The following SDC2 variants were observed in gnomAD, a reference collection of about 807,000 sequenced individuals.
SDC2 encodes syndecan 2, also known as syndecan-2.
A neutral mutation model predicts 22.2 loss-of-function variants in SDC2; 13 were observed. The ratio of observed to expected loss-of-function variants is 0.59; its 90% confidence interval spans 0.38 to 0.93. SDC2 has a LOEUF of 0.93. SDC2 is among the 40% of genes least tolerant of loss of function. The pLI is 0.00. For missense variants in SDC2, 235 were observed against 246.8 expected (o/e 0.95, Z 0.32); for synonymous variants, 94 against 92.8 (o/e 1.01, Z -0.07).
At chr8:96,504,224 T>G (rs573952479) in intron 1 of SDC2, among the ~76,000 whole-genome samples, 31 of 152,370 alleles carry the variant, frequency 2.0e-4, no homozygotes, top group African/African-American at 7.2e-4. Context: ...TCACTTGACA[T>G]GTTTAGGAAC....
intron 1 of SDC2, among the ~76,000 whole-genome samples, chr8:96,515,218 CT>C (rs1813384364): frequency 6.6e-6 from 1 of 152,162 alleles, no homozygotes; most frequent in African/African-American, 2.4e-5. Flanking sequence ...CTTTTTCCCC[CT>C]ACTTTCTACT....
intron 3 of SDC2, among the ~76,000 whole-genome samples, chr8:96,607,224 G>T (rs1404420482): frequency 2.0e-5 from 3 of 151,086 alleles, no homozygotes; most frequent in African/African-American, 7.3e-5. Context: ...GACCTCACAG[G>T]GTTTTCTACT....
chr8:96,538,747 C>A (rs1421586149), intron 1 of SDC2: 2 of 152,256 alleles, frequency 1.3e-5, no homozygotes, highest in Non-Finnish European at 2.9e-5. Flanking sequence ...TCAATCAAAT[C>A]TTCAGAATGT....
chr8:96,522,699 A>C (rs1813515163), intron 1 of SDC2, among the ~76,000 whole-genome samples: 1 of 152,224 alleles, frequency 6.6e-6, no homozygotes, highest in African/African-American at 2.4e-5. Context: ...TACTAAGGTA[A>C]GGGAAATAGC....
intron 1 of SDC2, among the ~76,000 whole-genome samples, chr8:96,591,950 G>C (rs2028086): frequency 0.19 from 28,635 of 152,086 alleles, 3,246 homozygotes; most frequent in South Asian, 0.36. Context: ...TCCTGACACA[G>C]TTCACAAGCT....
intron 1 of SDC2, among the ~76,000 whole-genome samples, chr8:96,510,543 T>A (rs1249947197): frequency 6.6e-6 from 1 of 152,200 alleles, no homozygotes; most frequent in African/African-American, 2.4e-5. Context: ...TATCTTTAAT[T>A]GACTCAGGGA....
At chr8:96,520,523 A>G (rs1414842155) in intron 1 of SDC2, among the ~76,000 whole-genome samples, 1 of 152,138 alleles carries the variant, frequency 6.6e-6, no homozygotes, top group Non-Finnish European at 1.5e-5. Context: ...AGCTGTTTAT[A>G]TGTGATGTTC....
intron 1 of SDC2, among the ~76,000 whole-genome samples, chr8:96,560,001 C>A (rs1814182019): frequency 6.6e-6 from 1 of 151,998 alleles, no homozygotes; most frequent in African/African-American, 2.4e-5. Flanking sequence ...ATTTACATAC[C>A]ATTCATCCAT....
At chr8:96,577,664 C>T (rs1814526763) in intron 1 of SDC2, among the ~76,000 whole-genome samples, 1 of 152,126 alleles carries the variant, frequency 6.6e-6, no homozygotes, top group Admixed American at 6.5e-5. Flanking sequence ...TGCATAATGT[C>T]GTGTATCTAC....
intron 2 of SDC2, among the ~76,000 whole-genome samples, chr8:96,596,877 TG>T (rs893981967): frequency 2.6e-5 from 4 of 152,094 alleles, no homozygotes; most frequent in African/African-American, 9.7e-5. Flanking sequence ...TAGTTCGCAG[TG>T]GGGAGAGCCA....
rs1251438286 is a variant in SDC2, at chr8:96,611,417, T to G, written c.*1869T>G. On this transcript the variant is annotated 3_prime_UTR_variant, in exon 5 of 5. Transcript: ENST00000302190. Reference sequence around the variant, plus strand: ...ACATTCCCTGGAATTGCCACATAATTCATTAAAAACATTTTTTTAAGCAAC... The same window carrying G: ...ACATTCCCTGGAATTGCCACATAATGCATTAAAAACATTTTTTTAAGCAAC... 3 of 152,658 alleles carry G rather than the reference T, an allele frequency of 2.0e-5. No individual in the cohort carries two copies. The highest frequency in any genetic ancestry group is 4.4e-5 in the Non-Finnish European group (3 of 68,044). The allele number at this position is 152,658 out of a possible 1,614,324, so 9.5% of individuals were successfully genotyped here.
chr8:96,580,313 G>A (rs1814569311), intron 1 of SDC2: 1 of 864,788 alleles, frequency 1.2e-6, no homozygotes, highest in Non-Finnish European at 1.4e-6. Context: ...CAGGCAGAGT[G>A]TAAGGTTAAG....
At chr8:96,555,922 C>G (rs911045790) in intron 1 of SDC2, among the ~76,000 whole-genome samples, 1 of 152,116 alleles carries the variant, frequency 6.6e-6, no homozygotes, top group African/African-American at 2.4e-5. Flanking sequence ...CAAGAATAGG[C>G]TATTTCCAGC....
At chr8:96,550,228 A>C (rs1232197358) in intron 1 of SDC2, among the ~76,000 whole-genome samples, 1 of 152,196 alleles carries the variant, frequency 6.6e-6, no homozygotes, top group Admixed American at 6.5e-5. Context: ...GGTTCCAAAA[A>C]TCCAAAAATC....
intron 1 of SDC2, among the ~76,000 whole-genome samples, chr8:96,577,057 C>A (rs917980711): frequency 1.3e-5 from 2 of 152,124 alleles, no homozygotes; most frequent in African/African-American, 4.8e-5. Flanking sequence ...GAGCTATTTT[C>A]CTAGAGAAGA....
chr8:96,504,007 T>C (rs1351684979), intron 1 of SDC2, among the ~76,000 whole-genome samples: 1 of 152,150 alleles, frequency 6.6e-6, no homozygotes, highest in East Asian at 1.9e-4. Context: ...ATGAGCCCAA[T>C]TGGGATTTTT....
Position 96,576,374 on chromosome 8 carries a change from G to GTTTTTTTTTTTTTT in SDC2, c.61-17102_61-17101insTTTTTTTTTTTTTT, listed in dbSNP as rs1225034584. On this transcript the variant is annotated intron_variant, in intron 1 of 4. Transcript: ENST00000302190. ...GTTCAATAATTGGTAGTTTGTTTTTGTTTTGTTTTGTTTTTTTTTACCAGA... is the reference window on the plus strand; with the variant it reads ...GTTCAATAATTGGTAGTTTGTTTTTGTTTTTTTTTTTTTTTTTTGTTTTGTTTTTTTTTACCAGA... Among the ~76,000 whole-genome samples, 173 of 40,570 alleles carry GTTTTTTTTTTTTTT rather than the reference G, an allele frequency of 4.3e-3. 17 individuals carry two copies. The highest frequency in any genetic ancestry group is 6.4e-3 in the Non-Finnish European group (133 of 20,788). The allele number at this position is 40,570 out of a possible 152,430, so 26.6% of individuals were successfully genotyped here.
At chr8:96,530,734 G>C (rs909837196) in intron 1 of SDC2, among the ~76,000 whole-genome samples, 3 of 152,196 alleles carry the variant, frequency 2.0e-5, no homozygotes, top group African/African-American at 4.8e-5. Context: ...TCTGAGCATA[G>C]ATAACAAATG....
At chr8:96,599,913 G>A (rs1258941821) in intron 2 of SDC2, among the ~76,000 whole-genome samples, 3 of 152,196 alleles carry the variant, frequency 2.0e-5, no homozygotes, top group Non-Finnish European at 4.4e-5. Context: ...GACCCAGGCA[G>A]GAGGATCCCT....
Sources: allele counts gnomAD v4.1 joint callset (sites outside exome capture counted in the v4.1 genomes callset), GRCh38; gene constraint gnomAD v4.1.1; transcripts MANE v1.5; gene names NCBI Gene and HGNC (gene_info 2026-07-23, HGNC 2026-07-21).